The following CTXN3 variants were observed in gnomAD, a reference collection of about 807,000 sequenced individuals.
The protein encoded by CTXN3 is cortexin-3.
CTXN3 carries 4 observed loss-of-function variants against 5.0 expected under a neutral mutation model. That is an observed-to-expected ratio of 0.79 (90% CI 0.39 to 1.82). CTXN3 has a LOEUF of 1.82. Among genes scored for constraint, CTXN3 ranks in the 40% most tolerant of loss-of-function variants. The pLI is 0.04. For synonymous variants in CTXN3, 48 were observed against 38.6 expected, an observed-to-expected ratio of 1.24 and a Z score of -0.91; for missense variants, 89 against 99.7, an observed-to-expected ratio of 0.89 and a Z score of 0.46.
Position 127,657,971 on chromosome 5 carries a change from G to A in CTXN3, c.*204G>A. On this transcript the variant is annotated 3_prime_UTR_variant, in exon 3 of 3. Coordinates refer to ENST00000379445, the MANE Select transcript of CTXN3 (RefSeq NM_001048252.3). ...CACTTATATAACTAATCCAACATAA[G>A]AAGGTTTAAATTTTTATGTTTGCTC... is the stretch of plus-strand genomic sequence containing the variant. The A allele has an allele frequency of 3.3e-6, 2 of 606,770 alleles. No homozygotes were observed. Among genetic ancestry groups the A allele is most frequent in the Non-Finnish European group, 2.9e-6 (1 of 345,786 alleles). The allele number at this position is 606,770 out of a possible 1,614,324, so 37.6% of individuals were successfully genotyped here.
intron 1 of CTXN3, among the ~76,000 whole-genome samples, chr5:127,650,096 G>T (rs1423375965): frequency 6.6e-6 from 1 of 152,128 alleles, no homozygotes; most frequent in African/African-American, 2.4e-5. Context: ...GGAAGATGAA[G>T]ATGGGGAAGA....
intron 2 of CTXN3, among the ~76,000 whole-genome samples, chr5:127,656,261 G>A (rs1011805995): frequency 3.9e-5 from 6 of 151,958 alleles, no homozygotes; most frequent in African/African-American, 1.2e-4. Context: ...AGTAGATTTC[G>A]TTCAGTATCT....
chr5:127,651,967 G>A (rs1749795394), intron 1 of CTXN3: 1 of 152,182 alleles, frequency 6.6e-6, no homozygotes, highest in African/African-American at 2.4e-5. Context: ...AAGGGTACAT[G>A]TTGACATTAA....
At chr5:127,654,972 T>C (rs1180377959) in intron 2 of CTXN3, among the ~76,000 whole-genome samples, 1 of 152,098 alleles carries the variant, frequency 6.6e-6, no homozygotes, top group East Asian at 1.9e-4. Flanking sequence ...CTAAAGAACT[T>C]TCTGAAAATG....
intron 1 of CTXN3, among the ~76,000 whole-genome samples, chr5:127,652,795 G>A (rs1036463928): frequency 2.0e-5 from 3 of 152,186 alleles, no homozygotes; most frequent in Non-Finnish European, 4.4e-5. Context: ...TTCTCCACAG[G>A]TGTCCACAGA....
intron 1 of CTXN3, among the ~76,000 whole-genome samples, chr5:127,649,861 A>G (rs571179487): frequency 2.8e-4 from 43 of 152,276 alleles, no homozygotes; most frequent in African/African-American, 9.6e-4. Context: ...CTTTTGAGAT[A>G]TCAGCAAGTA....
chr5:127,654,664 A>G (rs1263685636), intron 2 of CTXN3, among the ~76,000 whole-genome samples: 2 of 152,192 alleles, frequency 1.3e-5, no homozygotes, highest in Non-Finnish European at 2.9e-5. Flanking sequence ...TTGATCCAGG[A>G]GAGAAGGATT....
At chr5:127,649,415 CG>C (rs1431859529) in intron 1 of CTXN3, 27 bp downstream of exon 1, 2 of 152,268 alleles carry the variant, frequency 1.3e-5, no homozygotes, top group Non-Finnish European at 2.9e-5. Context: ...GTATCTTTGA[CG>C]GGCTAATTAA....
At chr5:127,655,192 G>A (rs951688235) in intron 2 of CTXN3, among the ~76,000 whole-genome samples, 5 of 152,184 alleles carry the variant, frequency 3.3e-5, no homozygotes, top group African/African-American at 7.2e-5. Context: ...GAACCTGGGA[G>A]GCGGAGGTTG....
Position 127,657,582 on chromosome 5 carries a change from T to G in CTXN3, c.61T>G (p.Ser21Ala), listed in dbSNP as rs1749941780. The G allele has an allele frequency of 6.2e-7, 1 of 1,614,010 alleles. No individual in the cohort carries two copies. Among genetic ancestry groups the G allele is most frequent in the Admixed American group, 1.7e-5 (1 of 60,008 alleles). The change falls in exon 3 of 3, where the codon TCT (serine) becomes GCT (alanine). Residue 21 changes from serine (S) to alanine (A), a missense_variant. Coordinates refer to ENST00000379445, the MANE Select transcript of CTXN3 (RefSeq NM_001048252.3). ...GCCCCTTGGGAACGAATCAGCAGAT[T>G]CTAGCATGTCCCTGGAGCAGAAAAT... ...LVPLGNESAD[S>A]SMSLEQKMTF...
At position 127,657,448 on chromosome 5, in the gene CTXN3, C is replaced by T; in HGVS notation, c.-74C>T. On this transcript the variant is annotated 5_prime_UTR_variant, in exon 3 of 3. Transcript: ENST00000379445. ...ATAACTCAGCCTCTCCAGAGTGCAG[C>T]CACCATGACCTCCGCAGATTGATGA... 6.4e-7 allele frequency: 1 copy of T among 1,561,726 alleles called. No homozygotes were observed. Among genetic ancestry groups the T allele is most frequent in the Non-Finnish European group, 8.7e-7 (1 of 1,147,650 alleles).
In CTXN3 at chr5:127,657,462, G is replaced by T; in HGVS notation, c.-60G>T. 6.3e-7 allele frequency: 1 copy of T among 1,594,768 alleles called. No individual in the cohort carries two copies. Among genetic ancestry groups the T allele is most frequent in the Non-Finnish European group, 8.5e-7 (1 of 1,170,936 alleles). ...CCAGAGTGCAGCCACCATGACCTCC[G>T]CAGATTGATGATGGAAGAAAAGAAA... On this transcript the variant is annotated 5_prime_UTR_variant, in exon 3 of 3. Transcript: ENST00000379445.
chr5:127,653,239 C>T (rs867073784), intron 1 of CTXN3, 78 bp from the exon 2 acceptor site: 3 of 152,178 alleles, frequency 2.0e-5, no homozygotes, highest in Non-Finnish European at 4.4e-5. Context: ...CACAAGGGAG[C>T]TTGACTCGAG....
chr5:127,650,896 G>C (rs1249430875), intron 1 of CTXN3, among the ~76,000 whole-genome samples: 3 of 152,196 alleles, frequency 2.0e-5, no homozygotes, highest in Admixed American at 6.5e-5. Flanking sequence ...AAACAGGAAT[G>C]CAGCCCAGGC....
In CTXN3 at chr5:127,657,675, C is replaced by A. The variant is rs1206628560; in HGVS notation, c.154C>A (p.Leu52Ile). The A allele has an allele frequency of 1.2e-6, 2 of 1,614,070 alleles. No homozygotes were observed. Among genetic ancestry groups the A allele is most frequent in the African/African-American group, 1.3e-5 (1 of 74,932 alleles). ...TCTCATTGTCCGGTGCTTCCGGATT[C>A]TTTTGGATCCATATCGAAGCATGCC... ...GILIVRCFRI[L>I]LDPYRSMPTS... The change falls in exon 3 of 3, where the codon CTT becomes ATT. Residue 52 changes from leucine (L) to isoleucine (I), a missense_variant. Transcript: ENST00000379445.
In CTXN3 at chr5:127,657,675, C is replaced by T. The variant is rs1206628560; in HGVS notation, c.154C>T (p.Leu52Phe). ...TCTCATTGTCCGGTGCTTCCGGATT[C>T]TTTTGGATCCATATCGAAGCATGCC... is the stretch of plus-strand genomic sequence containing the variant. ...GILIVRCFRI[L>F]LDPYRSMPTS... Residue 52 changes from leucine to phenylalanine, a missense_variant, in exon 3 of 3, where the codon CTT (leucine) becomes TTT (phenylalanine). Transcript: ENST00000379445. 6.2e-7 allele frequency: 1 copy of T among 1,614,188 alleles called. No individual in the cohort carries two copies. The highest frequency in any genetic ancestry group is 1.7e-5 in the Admixed American group (1 of 60,024).
intron 2 of CTXN3, among the ~76,000 whole-genome samples, chr5:127,657,052 C>T (rs189034007): frequency 3.9e-5 from 6 of 152,296 alleles, no homozygotes; most frequent in Admixed American, 6.5e-5. Context: ...ATGGCGCTAT[C>T]GTAAGAACAA....
At chr5:127,653,041 G>A (rs931869916) in intron 1 of CTXN3, 10 of 152,224 alleles carry the variant, frequency 6.6e-5, no homozygotes, top group African/African-American at 2.2e-4. Flanking sequence ...GAAGAGTGGT[G>A]AGATCTGGGC....
At chr5:127,651,624 C>G (rs1749789037) in intron 1 of CTXN3, 1 of 151,942 alleles carries the variant, frequency 6.6e-6, no homozygotes, top group African/African-American at 2.4e-5. Flanking sequence ...AAAGAAAACA[C>G]TCATTCATCC....
Sources: gnomAD v4.1 joint callset for allele counts (sites outside exome capture counted in the v4.1 genomes callset) on GRCh38, gnomAD v4.1.1 for gene constraint, MANE v1.5 for transcripts, NCBI Gene and HGNC (gene_info 2026-07-23, HGNC 2026-07-21) for gene names.